Variants in KMT2D observed in about 807,000 individuals in gnomAD.
The protein encoded by KMT2D is histone-lysine N-methyltransferase 2D.
A neutral mutation model predicts 512.7 loss-of-function variants in KMT2D; 55 were observed. The ratio of observed to expected loss-of-function variants is 0.11; its 90% CI spans 0.09 to 0.13. The LOEUF is 0.13. Among genes scored for constraint, KMT2D ranks in the 10% least tolerant of loss-of-function variants. KMT2D has a pLI of 1.00. For synonymous variants in KMT2D, 2,995 were observed against 2,904.0 expected (o/e 1.03, Z -1.01); for missense variants, 6,061 against 7,127.9 (o/e 0.85, Z 5.39).
chr12:49,039,309 A>T lies in KMT2D; in HGVS notation c.8279T>A (p.Ile2760Asn). Residue 2760 changes from isoleucine to asparagine, a missense_variant, in exon 34 of 55, where the codon ATC becomes AAC. Around this residue, in one of 16 missense-constraint regions of KMT2D, gnomAD observed 527 missense variants for 578.9 expected, o/e 0.91. Transcript: ENST00000301067. This position sits in a 1 kb window ranked among gnomAD's most constrained non-coding sequence, Gnocchi z 5.0. The stretch of plus-strand genomic sequence containing the variant: ...GCTAGGGAAGGACCCTGGCCCCAGG[A>T]TGGGGCCACTCAGCTTGCTTGGGGG... ...GLPPSKLSGP[I>N]LGPGSFPSDD... 1 of 1,613,694 alleles carries T rather than the reference A, an allele frequency of 6.2e-7. No homozygotes were observed. Among genetic ancestry groups the T allele is most frequent in the Non-Finnish European group, 8.5e-7 (1 of 1,179,794 alleles).
rs146503446 is a variant in KMT2D, at chr12:49,028,112, C to T, written c.14412G>A (p.Ala4804=). The stretch of plus-strand genomic sequence containing the variant: ...TGGGGATCTTCATGCTCAGCAGCTC[C>T]GCCACTGCCACCATCACGCCATTCA... ...KNLNGVMVAV[A]ELLSMKIPNS... Residue 4804 remains alanine (A), a synonymous_variant, in exon 47 of 55, where the codon GCG becomes GCA. Transcript: ENST00000301067. 30 of 1,613,842 alleles carry T rather than the reference C, an allele frequency of 1.9e-5. No individual in the cohort carries two copies. Among genetic ancestry groups the T allele is most frequent in the East Asian group, 1.8e-4 (8 of 44,846 alleles).
rs560355537 is a variant in KMT2D at position 49,022,268 on chromosome 12, G to T, written c.16412+12C>A. 6.2e-7 allele frequency: 1 copy of T among 1,603,060 alleles called. No individual in the cohort carries two copies. Among genetic ancestry groups the T allele is most frequent in the Admixed American group, 1.7e-5 (1 of 59,786 alleles). On this transcript the variant is annotated intron_variant, in intron 53 of 54. Coordinates refer to ENST00000301067, the MANE Select transcript of KMT2D (RefSeq NM_003482.4). The surrounding 1 kb of genome is among the most constrained non-coding windows in gnomAD (Gnocchi z 8.6). ...GGGACCACTAAATCCCTCCTTCCTC[G>T]TCATCTCTCACCTGGCAGGGCCGCC...
rs2120702830 is a variant in KMT2D at position 49,053,983 on chromosome 12, T to C, written c.668A>G (p.Tyr223Cys). 6.2e-7 allele frequency: 1 copy of C among 1,613,322 alleles called. No homozygotes were observed. The highest frequency in any genetic ancestry group is 1.7e-4 in the Middle Eastern group (1 of 6,058). The change falls in exon 6 of 55, where the codon TAT (tyrosine) becomes TGT (cysteine). Residue 223 changes from tyrosine to cysteine, a missense_variant. Physicochemically the swap from Tyr to Cys is radical, Grantham distance 194. Coordinates refer to ENST00000301067, the MANE Select transcript of KMT2D (RefSeq NM_003482.4). ...LCPEHSEGAA[Y>C]LEEARCAVCE... ...CAAAGATCAGGACTTCTCACCCAGA[T>C]ATGCAGCCCCCTCACTGTGCTCTGG...
At chr12:49,047,353 T>C (rs934434618) in intron 15 of KMT2D, among the ~76,000 whole-genome samples, 8 of 150,964 alleles carry the variant, frequency 5.3e-5, no homozygotes, top group Non-Finnish European at 1.0e-4. Context: ...ATCTTTCCAC[T>C]AGCCAAGCCC....
In KMT2D at chr12:49,032,591, A is replaced by C. The variant is rs1288362534; in HGVS notation, c.12114T>G (p.Thr4038=). ...TVDPAVSSEA[T]EGPSTHQGGP... ...CTCCCTGATGTGTAGAGGGCCCCTCAGTGGCCTCTGAAGAAACGGCTGGGT... is the reference window on the plus strand; with the variant it reads ...CTCCCTGATGTGTAGAGGGCCCCTCCGTGGCCTCTGAAGAAACGGCTGGGT... The change falls in exon 40 of 55, where the codon ACT becomes ACG. Residue 4038 remains threonine (T), a synonymous_variant. Transcript: ENST00000301067. The C allele has an allele frequency of 6.2e-7, 1 of 1,613,804 alleles. No individual in the cohort carries two copies. The highest frequency in any genetic ancestry group is 2.2e-5 in the East Asian group (1 of 44,880).
At position 49,033,783 on chromosome 12, in the gene KMT2D, A is replaced by C; in HGVS notation, c.10922T>G (p.Leu3641Arg). 1.2e-6 allele frequency: 2 copies of C among 1,605,608 alleles called. No individual in the cohort carries two copies. Among genetic ancestry groups the C allele is most frequent in the South Asian group, 1.1e-5 (1 of 90,246 alleles). The stretch of plus-strand genomic sequence containing the variant: ...ACCCGGAGGCCCCTGTGGTGGCTGC[A>C]GCCCATGGCCAGGGAGCAGCTGACC... ...LPGQLLPGHGLQPPQGPPGGQ... is the reference protein window; with the variant it reads ...LPGQLLPGHGRQPPQGPPGGQ... Residue 3641 changes from leucine to arginine, a missense_variant, in exon 40 of 55, where the codon CTG becomes CGG. Leu to Arg is a moderately radical substitution (Grantham distance 102). Around this residue, in one of 16 missense-constraint regions of KMT2D, gnomAD observed 1,600 missense variants for 1,754.9 expected, o/e 0.91. Coordinates refer to ENST00000301067, the MANE Select transcript of KMT2D (RefSeq NM_003482.4).
At position 49,038,528 on chromosome 12, in the gene KMT2D, T is replaced by C; in HGVS notation, c.8828A>G (p.Asn2943Ser). Residue 2943 changes from asparagine (N) to serine (S), a missense_variant, in exon 35 of 55, where the codon AAC becomes AGC. Physicochemically the swap from Asn to Ser is conservative, Grantham distance 46 (BLOSUM62 1). Around this residue, in one of 16 missense-constraint regions of KMT2D, gnomAD observed 527 missense variants for 578.9 expected, o/e 0.91. Coordinates refer to ENST00000301067, the MANE Select transcript of KMT2D (RefSeq NM_003482.4). The surrounding 1 kb of genome is among the most constrained non-coding windows in gnomAD (Gnocchi z 5.7). ...GTGGGGTGTTGGATGAAGACTGTTGTTCAATTCAGGGGCCGGTGGGGCTGA... is the reference window on the plus strand; with the variant it reads ...GTGGGGTGTTGGATGAAGACTGTTGCTCAATTCAGGGGCCGGTGGGGCTGA... ...KPSAPPAPEL[N>S]NSLHPTPHTK... The C allele has an allele frequency of 6.2e-7, 1 of 1,609,976 alleles. No individual in the cohort carries two copies. Among genetic ancestry groups the C allele is most frequent in the Non-Finnish European group, 8.5e-7 (1 of 1,176,964 alleles).
At chr12:49,047,573 A>G (rs1937635159) in intron 15 of KMT2D, among the ~76,000 whole-genome samples, 1 of 127,376 alleles carries the variant, frequency 7.9e-6, no homozygotes, top group South Asian at 2.8e-4. Context: ...ACGCGCTACC[A>G]CACTCAGCTA....
At position 49,052,994 on chromosome 12, in the gene KMT2D, G is replaced by A; in HGVS notation, c.1033C>T (p.Leu345Phe). 1 of 1,614,060 alleles carries A rather than the reference G, an allele frequency of 6.2e-7. No homozygotes were observed. The highest frequency in any genetic ancestry group is 8.5e-7 in the Non-Finnish European group (1 of 1,179,888). ...TGGGCTTTGTGACAGCGGTGACAGA[G>A]AGAGTAGTTCTCAAACCACTCCGAG... ...PNSEWFENYSLCHRCHKAQGG... is the reference protein window; with the variant it reads ...PNSEWFENYSFCHRCHKAQGG... The change falls in exon 9 of 55, where the codon CTC becomes TTC. Residue 345 changes from leucine to phenylalanine, a missense_variant. Leu to Phe is a conservative substitution (Grantham distance 22). Coordinates refer to ENST00000301067, the MANE Select transcript of KMT2D (RefSeq NM_003482.4).
Position 49,041,951 on chromosome 12 carries a change from C to T in KMT2D, c.6149G>A (p.Arg2050Lys). The T allele has an allele frequency of 6.2e-7, 1 of 1,610,754 alleles. No homozygotes were observed. The change falls in exon 30 of 55, where the codon AGA becomes AAA. Residue 2050 changes from arginine (R) to lysine (K), a missense_variant. This residue lies in a region of KMT2D where 640 missense variants were observed against 814.3 expected (regional missense o/e 0.79). Transcript: ENST00000301067. The surrounding 1 kb of genome is among the most constrained non-coding windows in gnomAD (Gnocchi z 5.4). Reference protein sequence around the residue: ...SRCKQIMKLWRKVPAADKAPY... With the variant: ...SRCKQIMKLWKKVPAADKAPY... ...GGCTTTGTCAGCTGCTGGAACCTTT[C>T]TCCAGAGCTTCATGATTTGTTTGCA...
Position 49,037,225 on chromosome 12 carries a change from T to G in KMT2D, c.10131A>C (p.Leu3377=), listed in dbSNP as rs1943264461. Residue 3377 remains leucine (L), a synonymous_variant, in exon 35 of 55, where the codon CTA becomes CTC. Transcript: ENST00000301067. The stretch of plus-strand genomic sequence containing the variant: ...GCATGGTGCCCATGGGCTTCTGTGA[T>G]AGCACTGGCTGTGAGCTCTGCTGGG... The part of the protein sequence containing the change: ...LVPQQSSQPV[L]SQKPMGTMPP... The G allele has an allele frequency of 6.2e-7, 1 of 1,613,490 alleles. No homozygotes were observed. Among genetic ancestry groups the G allele is most frequent in the Non-Finnish European group, 8.5e-7 (1 of 1,179,614 alleles).
At position 49,054,471 on chromosome 12, in the gene KMT2D, G is replaced by A. The variant is rs2120709791; in HGVS notation, c.401-55C>T. The A allele has an allele frequency of 6.4e-7, 1 of 1,571,780 alleles. No individual in the cohort carries two copies. The highest frequency in any genetic ancestry group is 1.2e-5 in the South Asian group (1 of 86,436). On this transcript the variant is annotated intron_variant, in intron 4 of 54. Transcript: ENST00000301067. This position sits in a 1 kb window ranked among gnomAD's most constrained non-coding sequence, Gnocchi z 6.4. Reference sequence around the variant, plus strand: ...GGAAAGAATTAACAAAAAGAGGATTGCTGGCTCAGGACTACCCAGCCCTTA... The same window carrying A: ...GGAAAGAATTAACAAAAAGAGGATTACTGGCTCAGGACTACCCAGCCCTTA...
chr12:49,060,672 C>A lies in KMT2D; in HGVS notation c.-1097G>T, dbSNP rs903458518. Among the ~76,000 whole-genome samples the A allele has an allele frequency of 6.6e-6, 1 of 152,204 alleles. No homozygotes were observed. The highest frequency in any genetic ancestry group is 2.4e-5 in the African/African-American group (1 of 41,466). On this transcript the variant is annotated 5_prime_UTR_variant, in exon 1 of 55. Coordinates refer to ENST00000301067, the MANE Select transcript of KMT2D (RefSeq NM_003482.4). ...ATTTCCTGGCCCAAGAGCTGGGCAG[C>A]GGTCGTGAAGATTCGTGAAGCCTTC...
rs2137714556 is a variant in KMT2D at position 49,026,169 on chromosome 12, G to A, written c.15784+13C>T. 5 of 1,550,354 alleles carry A rather than the reference G, an allele frequency of 3.2e-6. No homozygotes were observed. Among genetic ancestry groups the A allele is most frequent in the Admixed American group, 1.9e-5 (1 of 51,718 alleles). On this transcript the variant is annotated intron_variant, in intron 49 of 54. Coordinates refer to ENST00000301067, the MANE Select transcript of KMT2D (RefSeq NM_003482.4). This position sits in a 1 kb window ranked among gnomAD's most constrained non-coding sequence, Gnocchi z 9.6. ...CCATTCCATATTATCCATTTCAAGG[G>A]CCCACTGCTCACCCTGGGGAGAGGC...
intron 6 of KMT2D, 87 bp from the exon 7 acceptor site, chr12:49,053,728 G>T (rs2120700643): frequency 7.1e-7 from 1 of 1,409,654 alleles, no homozygotes; most frequent in Non-Finnish European, 9.6e-7. Flanking sequence ...CACTCCATGG[G>T]CACAGAATGA....
At chr12:49,029,040 C>T (rs2120390131) in intron 45 of KMT2D, 21 bp downstream of exon 45, 1 of 1,603,962 alleles carries the variant, frequency 6.2e-7, no homozygotes, top group South Asian at 1.1e-5. Context: ...GGGCCTGGCC[C>T]ACATCCAGAG....
chr12:49,041,096 T>C lies in KMT2D; in HGVS notation c.6674A>G (p.Glu2225Gly), dbSNP rs749847326. The part of the protein sequence containing the change: ...SSRPGAGQPG[E>G]FHTTPPGTPR... Reference sequence around the variant, plus strand: ...GGTGCCAGGTGGGGTAGTGTGGAATTCCCCTGGCTGGCCAGCCCCAGGACG... The same window carrying C: ...GGTGCCAGGTGGGGTAGTGTGGAATCCCCCTGGCTGGCCAGCCCCAGGACG... Residue 2225 changes from glutamate to glycine, a missense_variant, in exon 32 of 55, where the codon GAA becomes GGA. Glu to Gly is a moderately conservative substitution (Grantham distance 98, BLOSUM62 -2). Around this residue, in one of 16 missense-constraint regions of KMT2D, gnomAD observed 710 missense variants for 647.3 expected, o/e 1.10. Coordinates refer to ENST00000301067, the MANE Select transcript of KMT2D (RefSeq NM_003482.4). This position sits in a 1 kb window ranked among gnomAD's most constrained non-coding sequence, Gnocchi z 5.4. 2 of 1,531,390 alleles carry C rather than the reference T, an allele frequency of 1.3e-6. No individual in the cohort carries two copies. Among genetic ancestry groups the C allele is most frequent in the Non-Finnish European group, 1.7e-6 (2 of 1,142,866 alleles). The allele number at this position is 1,531,390 out of a possible 1,614,324, so 94.9% of individuals were successfully genotyped here.
chr12:49,028,122 A>G lies in KMT2D; in HGVS notation c.14402T>C (p.Val4801Ala), dbSNP rs1287655568. The stretch of plus-strand genomic sequence containing the variant: ...CATGCTCAGCAGCTCCGCCACTGCC[A>G]CCATCACGCCATTCAGGTTCTGCCA... ...AAAKNLNGVM[V>A]AVAELLSMKI... The change falls in exon 47 of 55, where the codon GTG (valine) becomes GCG (alanine). Residue 4801 changes from valine (V) to alanine (A), a missense_variant. Physicochemically the swap from Val to Ala is moderately conservative, Grantham distance 64. Coordinates refer to ENST00000301067, the MANE Select transcript of KMT2D (RefSeq NM_003482.4). 1.4e-5 allele frequency: 23 copies of G among 1,613,862 alleles called. No individual in the cohort carries two copies. Among genetic ancestry groups the G allele is most frequent in the Non-Finnish European group, 1.9e-5 (23 of 1,179,892 alleles).
rs369147555 is a variant in KMT2D at position 49,034,396 on chromosome 12, C to T, written c.10507+14G>A. 2.6e-5 allele frequency: 42 copies of T among 1,613,658 alleles called. 1 individual carries two copies. Among genetic ancestry groups the T allele is most frequent in the African/African-American group, 5.3e-5 (4 of 74,910 alleles). ...ACCACTCCCCTGCACCTTCCTCCCA[C>T]GCCCCATACTCACTGATCACTCCCT... is the stretch of plus-strand genomic sequence containing the variant. On this transcript the variant is annotated intron_variant, in intron 38 of 54. Transcript: ENST00000301067.
Sources: allele counts gnomAD v4.1 joint callset (sites outside exome capture counted in the v4.1 genomes callset), GRCh38; gene constraint gnomAD v4.1.1; regional missense constraint gnomAD v4.1.1; non-coding constraint Gnocchi (gnomAD v3.1); transcripts MANE v1.5; gene names NCBI Gene and HGNC (gene_info 2026-07-23, HGNC 2026-07-21).